PCSK5: variants seen among roughly 807,000 people sequenced by gnomAD.
The protein encoded by PCSK5 is proprotein convertase subtilisin/kexin type 5.
Under a neutral mutation model 233.2 loss-of-function variants are expected in PCSK5, and 129 were observed. The observed-to-expected ratio is 0.55, with a 90% CI of 0.48 to 0.64. The LOEUF is 0.64. PCSK5 is among the 30% of genes least tolerant of loss of function. The pLI is 0.00. For missense variants in PCSK5, 2,076 were observed against 2,430.1 expected, an observed-to-expected ratio of 0.85 and a Z score of 3.06; for synonymous variants, 825 against 879.2, an observed-to-expected ratio of 0.94 and a Z score of 1.09.
intron 20 of PCSK5, among the ~76,000 whole-genome samples, chr9:76,224,619 T>C (rs541135774): frequency 2.0e-5 from 3 of 152,182 alleles, no homozygotes; most frequent in South Asian, 2.1e-4. Context: ...TGTAGACTTA[T>C]AGTATGGCAT....
chr9:76,123,029 A>T (rs1832707922), intron 9 of PCSK5, among the ~76,000 whole-genome samples: 1 of 151,778 alleles, frequency 6.6e-6, no homozygotes, highest in Non-Finnish European at 1.5e-5. Context: ...TTTTTTGTAG[A>T]GATGGGGTTT....
intron 2 of PCSK5, among the ~76,000 whole-genome samples, chr9:75,950,081 A>G (rs1824774561): frequency 1.4e-5 from 2 of 141,282 alleles, no homozygotes; most frequent in African/African-American, 5.3e-5. Flanking sequence ...GATACTTTAC[A>G]AACTGTCCTT....
chr9:76,064,265 GC>G lies in PCSK5; in HGVS notation c.633-3689del, dbSNP rs1460556006. On this transcript the variant is annotated intron_variant, in intron 5 of 37. Coordinates refer to ENST00000674117, the MANE Select transcript of PCSK5 (RefSeq NM_001372043.1). Reference sequence around the variant, plus strand: ...CCCCATCTCCCTCCTGGACGGGGTGGCTGGCCGGGCTAAGGGGCTCCTCACT... The same window carrying G: ...CCCCATCTCCCTCCTGGACGGGGTGGTGGCCGGGCTAAGGGGCTCCTCACT... Among the ~76,000 whole-genome samples the G allele has an allele frequency of 3.9e-5, 4 of 102,272 alleles. No individual in the cohort carries two copies. In the East Asian group the frequency reaches 1.2e-3, roughly 30 times the overall value. The allele number at this position is 102,272 out of a possible 152,430, so 67.1% of individuals were successfully genotyped here. A position where few individuals can be genotyped will look rare whatever the true frequency, so the allele number is the denominator to read the frequency against.
At chr9:76,281,698 G>C (rs1488783825) in intron 24 of PCSK5, among the ~76,000 whole-genome samples, 2 of 152,112 alleles carry the variant, frequency 1.3e-5, no homozygotes, top group Non-Finnish European at 2.9e-5. Flanking sequence ...ACCCATGCTG[G>C]AGTACAGTGG....
intron 9 of PCSK5, among the ~76,000 whole-genome samples, chr9:76,126,483 C>A (rs1832858902): frequency 1.3e-5 from 2 of 152,098 alleles, no homozygotes; most frequent in Non-Finnish European, 2.9e-5. Flanking sequence ...CGTGATGGCA[C>A]ATGCCTATAA....
chr9:76,015,564 C>G (rs1048502306), intron 3 of PCSK5, among the ~76,000 whole-genome samples: 2 of 152,072 alleles, frequency 1.3e-5, no homozygotes, highest in African/African-American at 4.8e-5. Flanking sequence ...CATATATAAC[C>G]AAAGATGACC....
At chr9:76,204,676 G>A (rs2131275098) in intron 20 of PCSK5, among the ~76,000 whole-genome samples, 1 of 152,156 alleles carries the variant, frequency 6.6e-6, no homozygotes, top group East Asian at 1.9e-4. Flanking sequence ...GAGGGCAGGA[G>A]TGCATTTGCT....
chr9:75,942,938 G>A (rs370483595), intron 2 of PCSK5, among the ~76,000 whole-genome samples: 1 of 143,812 alleles, frequency 7.0e-6, no homozygotes, highest in Non-Finnish European at 1.5e-5. Flanking sequence ...ACGCTGGAGA[G>A]CAGTGGCGCG....
intron 24 of PCSK5, among the ~76,000 whole-genome samples, chr9:76,254,072 G>A (rs1011947963): frequency 6.6e-6 from 1 of 152,116 alleles, no homozygotes; most frequent in South Asian, 2.1e-4. Context: ...CCTTGCCATG[G>A]CAGACACAAA....
intron 2 of PCSK5, among the ~76,000 whole-genome samples, chr9:75,977,242 CA>C (rs1395454475): frequency 9.9e-5 from 15 of 151,972 alleles, no homozygotes; most frequent in Non-Finnish European, 7.4e-5. Context: ...ATTTTAAGTT[CA>C]GGGGTACTTG....
intron 24 of PCSK5, among the ~76,000 whole-genome samples, chr9:76,284,329 C>T (rs1438587574): frequency 6.6e-6 from 1 of 151,984 alleles, no homozygotes; most frequent in African/African-American, 2.4e-5. Flanking sequence ...ATCATGGGGG[C>T]AGGTTTTTCC....
chr9:76,179,669 C>T lies in PCSK5; in HGVS notation c.1974C>T (p.His658=). The change falls in exon 15 of 38, where the codon CAC becomes CAT. Residue 658 remains histidine (H), a synonymous_variant. Coordinates refer to ENST00000674117, the MANE Select transcript of PCSK5 (RefSeq NM_001372043.1). Reference sequence around the variant, plus strand: ...CAGACCACTGCAATGACTGTTTGCACTACTACTACAAGCTGAAAAACAATA... The same window carrying T: ...CAGACCACTGCAATGACTGTTTGCATTACTACTACAAGCTGAAAAACAATA... ...PGPDHCNDCL[H]YYYKLKNNTR... 1 of 1,612,464 alleles carries T rather than the reference C, an allele frequency of 6.2e-7. No homozygotes were observed. The highest frequency in any genetic ancestry group is 8.5e-7 in the Non-Finnish European group (1 of 1,178,616).
At chr9:76,250,411 G>A (rs761687341) in intron 24 of PCSK5, among the ~76,000 whole-genome samples, 8 of 152,206 alleles carry the variant, frequency 5.3e-5, no homozygotes, top group Admixed American at 1.3e-4. Flanking sequence ...AGTGTAGAAA[G>A]CTGACAAACA....
Position 76,227,559 on chromosome 9 carries a change from T to C in PCSK5, c.2683T>C (p.Cys895Arg), listed in dbSNP as rs540706545. The change falls in exon 21 of 38, where the codon TGC (cysteine) becomes CGC (arginine). Residue 895 changes from cysteine to arginine, a missense_variant. Cys to Arg is a radical substitution (Grantham distance 180). Coordinates refer to ENST00000674117, the MANE Select transcript of PCSK5 (RefSeq NM_001372043.1). ...CQTCEASCAK[C>R]QGPTQEDCTT... ...GACCTGTGAGGCCTCATGTGCCAAGTGCCAGGGACCAACCCAGGAAGACTG... is the reference window on the plus strand; with the variant it reads ...GACCTGTGAGGCCTCATGTGCCAAGCGCCAGGGACCAACCCAGGAAGACTG... 2.0e-5 allele frequency: 32 copies of C among 1,612,084 alleles called. No individual in the cohort carries two copies. Among genetic ancestry groups the C allele is most frequent in the Non-Finnish European group, 2.5e-5 (30 of 1,179,666 alleles).
chr9:76,016,822 C>G (rs1322155909), intron 3 of PCSK5, among the ~76,000 whole-genome samples: 1 of 152,214 alleles, frequency 6.6e-6, no homozygotes, highest in South Asian at 2.1e-4. Flanking sequence ...TAAAGACCAT[C>G]CAGTTATACT....
intron 2 of PCSK5, among the ~76,000 whole-genome samples, chr9:75,964,960 T>A (rs1825511176): frequency 6.6e-6 from 1 of 152,176 alleles, no homozygotes; most frequent in South Asian, 2.1e-4. Context: ...GATTAGACCG[T>A]GAAATGGTGG....
chr9:76,064,044 GC>G (rs1465196073), intron 5 of PCSK5, among the ~76,000 whole-genome samples: 3 of 105,402 alleles, frequency 2.8e-5, no homozygotes, highest in Admixed American at 2.5e-4. Context: ...GGGGCAGCTG[GC>G]CGGGCAGAGG....
At chr9:76,192,683 T>G (rs1824459487) in intron 20 of PCSK5, among the ~76,000 whole-genome samples, 1 of 144,762 alleles carries the variant, frequency 6.9e-6, no homozygotes, top group Admixed American at 7.2e-5. Flanking sequence ...TTGTTCAATA[T>G]TCGAAGGAAA....
chr9:76,273,378 G>A (rs1216564538), intron 24 of PCSK5, among the ~76,000 whole-genome samples: 1 of 151,836 alleles, frequency 6.6e-6, no homozygotes, highest in Non-Finnish European at 1.5e-5. Context: ...GCTAAGTATT[G>A]TACTAGGAAT....
Sources: allele counts gnomAD v4.1 joint callset (sites outside exome capture counted in the v4.1 genomes callset), GRCh38; gene constraint gnomAD v4.1.1; transcripts MANE v1.5; gene names NCBI Gene and HGNC (gene_info 2026-07-23, HGNC 2026-07-21).